CCDC171: variants seen among roughly 807,000 people sequenced by gnomAD.
CCDC171 encodes coiled-coil domain containing 171.
A neutral mutation model predicts 168.2 loss-of-function variants in CCDC171; 177 were observed. The ratio of observed to expected loss-of-function variants is 1.05; its 90% CI spans 0.93 to 1.19. CCDC171 has a LOEUF of 1.19. Among genes scored for constraint, CCDC171 ranks in the 50% most tolerant of loss-of-function variants. The probability of loss-of-function intolerance (pLI) is 0.00; values close to 1 mark genes in which losing one functional copy is unlikely to be tolerated. For synonymous variants in CCDC171, 687 were observed against 540.8 expected, an observed-to-expected ratio of 1.27 and a Z score of -3.75; for missense variants, 1,991 against 1,539.0, an observed-to-expected ratio of 1.29 and a Z score of -4.91.
the CCDC171 span, among the ~76,000 whole-genome samples, chr9:16,082,272 A>G: frequency 6.6e-6 from 1 of 152,214 alleles, no homozygotes; most frequent in Admixed American, 6.5e-5. Flanking sequence ...GAGGGGCTTT[A>G]TGCTATAAAA....
intron 3 of CCDC171, among the ~76,000 whole-genome samples, chr9:16,001,732 A>G (rs1832551147): frequency 6.6e-6 from 1 of 152,158 alleles, no homozygotes; most frequent in Admixed American, 6.6e-5. Flanking sequence ...TGCTGGTGTA[A>G]ACAAACCTGT....
intron 8 of CCDC171, among the ~76,000 whole-genome samples, chr9:15,665,067 C>T (rs756302910): frequency 2.0e-5 from 3 of 152,080 alleles, no homozygotes; most frequent in Non-Finnish European, 2.9e-5. Context: ...ACTTTACTCA[C>T]GTCAATGGTG....
At chr9:15,785,046 T>C (rs868739265) in intron 21 of CCDC171, among the ~76,000 whole-genome samples, 2 of 152,246 alleles carry the variant, frequency 1.3e-5, no homozygotes, top group South Asian at 4.1e-4. Flanking sequence ...CAATGGACTT[T>C]GGAAACTCCA....
At chr9:16,044,301 A>G (rs1833619029) in intron 1 of CCDC171, among the ~76,000 whole-genome samples, 1 of 152,218 alleles carries the variant, frequency 6.6e-6, no homozygotes, top group African/African-American at 2.4e-5. Flanking sequence ...AAGAAAAACA[A>G]TGTCCCTCCC....
At chr9:15,826,284 CT>C (rs1247247391) in intron 21 of CCDC171, among the ~76,000 whole-genome samples, 1 of 151,522 alleles carries the variant, frequency 6.6e-6, no homozygotes, top group Non-Finnish European at 1.5e-5. Flanking sequence ...CTCTTTCGTT[CT>C]TCTGAGATCT....
intron 6 of CCDC171, among the ~76,000 whole-genome samples, chr9:15,598,391 T>A (rs2131593474): frequency 6.6e-6 from 1 of 152,288 alleles, no homozygotes; most frequent in Non-Finnish European, 1.5e-5. Flanking sequence ...TTTTTCTGCC[T>A]TCATTTCATT....
intron 18 of CCDC171, among the ~76,000 whole-genome samples, chr9:15,754,376 C>T (rs1176212535): frequency 6.6e-6 from 1 of 152,074 alleles, no homozygotes; most frequent in African/African-American, 2.4e-5. Flanking sequence ...ATATTATCTT[C>T]CTCCTGGATG....
At chr9:15,639,014 A>G (rs988416329) in intron 7 of CCDC171, among the ~76,000 whole-genome samples, 2 of 152,124 alleles carry the variant, frequency 1.3e-5, no homozygotes, top group Non-Finnish European at 2.9e-5. Context: ...GTCTTTGCAA[A>G]TAAATTCTGA....
At chr9:15,818,970 G>C (rs1443953134) in intron 21 of CCDC171, among the ~76,000 whole-genome samples, 4 of 117,076 alleles carry the variant, frequency 3.4e-5, no homozygotes, top group Non-Finnish European at 7.7e-5. Context: ...ACAAAGGGAA[G>C]CCCATCAGAC....
rs144676393 is a variant in CCDC171, at chr9:15,623,463, A to ACGCGCGCGCGCG, written c.822+50_822+51insCGCGCGCGCGCG. ...TATATATGCGTACAAACTTTCACAT[A>ACGCGCGCGCGCG]TGCGCGCGCGCGCACACACACACAC... On this transcript the variant is annotated intron_variant, in intron 7 of 25. Coordinates refer to ENST00000380701, the MANE Select transcript of CCDC171 (RefSeq NM_173550.4). 1,581 of 635,482 alleles carry ACGCGCGCGCGCG rather than the reference A, an allele frequency of 2.5e-3. 107 individuals carry two copies. The highest frequency in any genetic ancestry group is 6.0e-3 in the South Asian group (315 of 52,450). The allele number at this position is 635,482 out of a possible 1,614,324, so 39.4% of individuals were successfully genotyped here.
chr9:16,000,728 C>T lies in CCDC171; in HGVS notation n.369-19861C>T, dbSNP rs997781889. On this transcript the variant is annotated intron_variant and non_coding_transcript_variant, in intron 3 of 9. Transcript: ENST00000486641. ...TGACCTTCTCGTTAATAAGAAGAGA[C>T]TTTTTTTTTTTGCTTCACCTACTAT... Among the ~76,000 whole-genome samples, 108 of 148,332 alleles carry T rather than the reference C, an allele frequency of 7.3e-4. 1 individual carries two copies. The highest frequency in any genetic ancestry group is 2.5e-3 in the African/African-American group (99 of 40,178).
At chr9:16,095,971 G>C in the CCDC171 span, among the ~76,000 whole-genome samples, 2 of 149,674 alleles carry the variant, frequency 1.3e-5, no homozygotes, top group Admixed American at 1.3e-4. Context: ...GTAGGCATTT[G>C]ATAAATATAA....
chr9:15,645,862 G>A (rs1358685090), intron 7 of CCDC171, among the ~76,000 whole-genome samples: 1 of 152,132 alleles, frequency 6.6e-6, no homozygotes, highest in Non-Finnish European at 1.5e-5. Flanking sequence ...ACCTAGTGAG[G>A]CAGGCCAACA....
intron 3 of CCDC171, among the ~76,000 whole-genome samples, chr9:16,006,691 T>C (rs1439149401): frequency 2.6e-5 from 4 of 152,140 alleles, no homozygotes; most frequent in African/African-American, 7.2e-5. Flanking sequence ...GTTTGGTTTT[T>C]TGTCCTTGCG....
chr9:15,979,517 A>G (rs1032518967), intron 3 of CCDC171, among the ~76,000 whole-genome samples: 1 of 152,106 alleles, frequency 6.6e-6, no homozygotes, highest in South Asian at 2.1e-4. Flanking sequence ...TCAATTTGTC[A>G]AATATTTTTT....
At chr9:15,710,013 A>G (rs1159594811) in intron 11 of CCDC171, among the ~76,000 whole-genome samples, 5 of 152,152 alleles carry the variant, frequency 3.3e-5, no homozygotes, top group Admixed American at 6.5e-5. Flanking sequence ...TCTGTATTAT[A>G]TATCTGTATA....
chr9:15,825,265 G>A lies in CCDC171; in HGVS notation c.3268-21437G>A, dbSNP rs2136162792. On this transcript the variant is annotated intron_variant, in intron 21 of 25. Coordinates refer to ENST00000380701, the MANE Select transcript of CCDC171 (RefSeq NM_173550.4). ...GATTGATAACTAAAAATATAGACAA[G>A]GAGCAGGTGAGATCAGACAATGCAT... 2.6e-5 allele frequency among the ~76,000 whole-genome samples: 4 copies of A among 152,182 alleles called. 1 individual carries two copies. The Middle Eastern group carries it at 0.014, about 518-fold the overall frequency.
chr9:15,787,303 C>T (rs1459950334), intron 21 of CCDC171, among the ~76,000 whole-genome samples: 1 of 151,992 alleles, frequency 6.6e-6, no homozygotes, highest in Non-Finnish European at 1.5e-5. Context: ...CCTTGCTGTG[C>T]AATAGATCAC....
Position 15,664,322 on chromosome 9 carries a change from C to G in CCDC171, c.916-1841C>G, listed in dbSNP as rs1331773136. Among the ~76,000 whole-genome samples the G allele has an allele frequency of 2.6e-5, 4 of 152,128 alleles. No individual in the cohort carries two copies. The East Asian group carries it at 7.7e-4, about 29-fold the overall frequency. On this transcript the variant is annotated intron_variant, in intron 8 of 25. Coordinates refer to ENST00000380701, the MANE Select transcript of CCDC171 (RefSeq NM_173550.4). ...GGGGTGCAGTGGTGCGATCTTGGCT[C>G]ACTACAGCCTTGACTTCCCCAGCTC...
Sources: allele counts gnomAD v4.1 joint callset (sites outside exome capture counted in the v4.1 genomes callset), GRCh38; gene constraint gnomAD v4.1.1; transcripts MANE v1.5; gene names NCBI Gene and HGNC (gene_info 2026-07-23, HGNC 2026-07-21).